The following PPFIA2 variants were observed in gnomAD, a reference collection of about 807,000 sequenced individuals.
The protein encoded by PPFIA2 is liprin-alpha-2.
A neutral mutation model predicts 175.5 loss-of-function variants in PPFIA2; 46 were observed. That is an observed-to-expected ratio of 0.26 (90% confidence interval 0.21 to 0.34). The LOEUF (loss-of-function observed/expected upper bound fraction) is 0.34, where lower values mean the gene tolerates loss of function less well. PPFIA2 is among the 10% of genes least tolerant of loss of function. The probability of loss-of-function intolerance (pLI) is 1.00; values close to 1 mark genes in which losing one functional copy is unlikely to be tolerated. For synonymous variants in PPFIA2, 568 were observed against 511.4 expected (o/e 1.11, Z -1.49); for missense variants, 1,179 against 1,506.1 (o/e 0.78, Z 3.60).
chr12:81,357,955 T>A (rs1709125087), intron 16 of PPFIA2, 127 bp downstream of exon 16: 1 of 1,002,632 alleles, frequency 1.0e-6, no homozygotes, highest in Non-Finnish European at 1.4e-6. Context: ...TTTAAAAATG[T>A]CATACTCTGT....
chr12:81,511,517 A>T (rs1000081442), intron 4 of PPFIA2, among the ~76,000 whole-genome samples: 6 of 152,126 alleles, frequency 3.9e-5, no homozygotes, highest in African/African-American at 1.4e-4. Context: ...TTTAAAAAGG[A>T]CTGTACAGGA....
At chr12:81,359,070 T>C (rs2061264767) in intron 15 of PPFIA2, among the ~76,000 whole-genome samples, 1 of 152,064 alleles carries the variant, frequency 6.6e-6, no homozygotes, top group African/African-American at 2.4e-5. Context: ...GTTACAATAA[T>C]GATGATAATA....
In PPFIA2 at chr12:81,294,773, A is replaced by G. The variant is rs139177857; in HGVS notation, c.2925+62T>C. ...GTGTGCTGTCACAATTTTGCTCTGT[A>G]GACTTAGACACACGGCTATTTGCCT... is the stretch of plus-strand genomic sequence containing the variant. On this transcript the variant is annotated intron_variant, in intron 24 of 32. Coordinates refer to ENST00000549396, the MANE Select transcript of PPFIA2 (RefSeq NM_003625.5). 382 of 1,512,842 alleles carry G rather than the reference A, an allele frequency of 2.5e-4. 2 individuals carry two copies. In the African/African-American group the frequency reaches 4.5e-3, roughly 18 times the overall value. The allele number at this position is 1,512,842 out of a possible 1,614,324, so 93.7% of individuals were successfully genotyped here.
chr12:81,365,385 A>T (rs889957187), intron 14 of PPFIA2, among the ~76,000 whole-genome samples: 2 of 151,824 alleles, frequency 1.3e-5, no homozygotes, highest in Non-Finnish European at 2.9e-5. Flanking sequence ...CTGGAGACTG[A>T]CATAAGCAAG....
chr12:81,369,295 G>T, intron 11 of PPFIA2, 101 bp from the exon 12 acceptor site: 1 of 1,532,894 alleles, frequency 6.5e-7, no homozygotes. Context: ...ACTACCAACT[G>T]CAAACATAGT....
intron 4 of PPFIA2, among the ~76,000 whole-genome samples, chr12:81,618,565 G>A (rs1595676457): frequency 2.4e-5 from 3 of 124,924 alleles, no homozygotes; most frequent in Admixed American, 1.0e-4. Context: ...GTGTCGCTCT[G>A]TCGCCCAGGC....
At chr12:81,472,744 CA>C (rs11337682) in intron 4 of PPFIA2, 75,549 of 151,630 alleles carry the variant, frequency 0.5, 19,108 homozygotes, top group African/African-American at 0.57. Flanking sequence ...CCTTCCCCAG[CA>C]AAAAAACAAA....
chr12:81,592,248 T>C (rs2058751144), intron 4 of PPFIA2, among the ~76,000 whole-genome samples: 3 of 152,168 alleles, frequency 2.0e-5, no homozygotes, highest in Admixed American at 2.0e-4. Flanking sequence ...GTATGCAACT[T>C]GCTGTTGATT....
intron 3 of PPFIA2, among the ~76,000 whole-genome samples, chr12:81,689,658 C>T (rs1227501728): frequency 6.6e-6 from 1 of 151,996 alleles, no homozygotes; most frequent in Admixed American, 6.6e-5. Context: ...TCCACTCAAG[C>T]TCCCCCTCCC....
chr12:81,335,632 T>A lies in PPFIA2; in HGVS notation c.2548+3548A>T, dbSNP rs549301484. Among the ~76,000 whole-genome samples the A allele has an allele frequency of 6.6e-5, 10 of 152,084 alleles. No homozygotes were observed. In the East Asian group the frequency reaches 1.9e-3, roughly 29 times the overall value. On this transcript the variant is annotated intron_variant, in intron 21 of 32. Transcript: ENST00000549396. ...GGTGGTGGGTGCCTGTAATCCCAGCTACTAGGGAGGTTGAGGCAGGAGAAT... is the reference window on the plus strand; with the variant it reads ...GGTGGTGGGTGCCTGTAATCCCAGCAACTAGGGAGGTTGAGGCAGGAGAAT...
At position 81,469,668 on chromosome 12, in the gene PPFIA2, G is replaced by C. The variant is rs752377785; in HGVS notation, c.304-11802C>G. Among the ~76,000 whole-genome samples, 21 of 152,182 alleles carry C rather than the reference G, an allele frequency of 1.4e-4. 1 individual carries two copies. The highest frequency in any genetic ancestry group is 1.3e-4 in the Non-Finnish European group (9 of 68,038). The stretch of plus-strand genomic sequence containing the variant: ...TCTTTGCAATCTTGGATTAGGTAAT[G>C]GTTTCTTAAATGTGACGCCAAAAGC... On this transcript the variant is annotated intron_variant, in intron 4 of 32. Transcript: ENST00000549396.
chr12:81,640,867 A>G (rs1461350561), intron 4 of PPFIA2, among the ~76,000 whole-genome samples: 1 of 151,996 alleles, frequency 6.6e-6, no homozygotes, highest in Non-Finnish European at 1.5e-5. Context: ...CATCATTTAC[A>G]GTTTTTTTTT....
At chr12:81,626,238 C>T (rs549967298) in intron 4 of PPFIA2, among the ~76,000 whole-genome samples, 1 of 151,678 alleles carries the variant, frequency 6.6e-6, no homozygotes, top group East Asian at 1.9e-4. Context: ...GATGGGGGCT[C>T]TAAAGCTATC....
At chr12:81,555,867 T>C (rs2068766933) in intron 4 of PPFIA2, among the ~76,000 whole-genome samples, 1 of 151,942 alleles carries the variant, frequency 6.6e-6, no homozygotes. Flanking sequence ...TAAATATGGC[T>C]CTAACAAAAT....
At chr12:81,595,120 G>T (rs916388857) in intron 4 of PPFIA2, among the ~76,000 whole-genome samples, 3 of 151,584 alleles carry the variant, frequency 2.0e-5, no homozygotes, top group African/African-American at 7.3e-5. Context: ...CACTCAGTAG[G>T]GTTAGTAGAG....
In PPFIA2 at chr12:81,479,456, A is replaced by G. The variant is rs116826572; in HGVS notation, c.304-21590T>C. On this transcript the variant is annotated intron_variant, in intron 4 of 32. Transcript: ENST00000549396. ...GTTAATATTTTCACGTGTGAATTTA[A>G]TCTTGTCATTATGATGCTAGCTGGT... Among the ~76,000 whole-genome samples, 1,170 of 152,272 alleles carry G rather than the reference A, an allele frequency of 7.7e-3. 14 individuals carry two copies. Among genetic ancestry groups the G allele is most frequent in the African/African-American group, 0.025 (1,056 of 41,554 alleles).
chr12:81,655,088 T>C (rs2067570145), intron 4 of PPFIA2, among the ~76,000 whole-genome samples: 1 of 152,080 alleles, frequency 6.6e-6, no homozygotes, highest in African/African-American at 2.4e-5. Context: ...TTTAGATTCA[T>C]CAGTATAAAT....
chr12:81,658,992 C>T (rs2153543175), intron 4 of PPFIA2, among the ~76,000 whole-genome samples: 1 of 152,044 alleles, frequency 6.6e-6, no homozygotes, highest in East Asian at 1.9e-4. Flanking sequence ...CATATTTTGC[C>T]CTATTTCATT....
intron 4 of PPFIA2, among the ~76,000 whole-genome samples, chr12:81,562,809 T>G (rs918662366): frequency 8.8e-6 from 1 of 113,486 alleles, no homozygotes; most frequent in East Asian, 2.9e-4. Flanking sequence ...ATCCCGCCAC[T>G]GCACTCCAGC....
Sources: allele counts gnomAD v4.1 joint callset (sites outside exome capture counted in the v4.1 genomes callset), GRCh38; gene constraint gnomAD v4.1.1; transcripts MANE v1.5; gene names NCBI Gene and HGNC (gene_info 2026-07-23, HGNC 2026-07-21).